The following SCARF1 variants were observed in gnomAD, a reference collection of about 807,000 sequenced individuals.
SCARF1 encodes the protein acetyl LDL receptor.
A neutral mutation model predicts 76.3 loss-of-function variants in SCARF1; 49 were observed. That is an observed-to-expected ratio of 0.64 (90% CI 0.51 to 0.81). SCARF1 has a LOEUF of 0.81. Ranked by LOEUF, SCARF1 falls within the 40% of genes least tolerant of loss-of-function variation. The pLI, the probability that SCARF1 is intolerant of heterozygous loss-of-function variation, is 0.00. For missense variants in SCARF1, 1,098 were observed against 1,143.9 expected, an observed-to-expected ratio of 0.96 and a Z score of 0.58; for synonymous variants, 495 against 474.6, an observed-to-expected ratio of 1.04 and a Z score of -0.56.
rs1910253255 is a variant in SCARF1 at position 1,643,462 on chromosome 17, G to A, written c.771C>T (p.His257=). The change falls in exon 4 of 11, where the codon CAC becomes CAT. Residue 257 remains histidine (H), a synonymous_variant. Transcript: ENST00000263071. ...CTCACCTGTGTGCGCACTGCACCCC[G>A]TGGCTGCCTGCCGGGCAGGGCAGCT... ...RCELPCPAGS[H]GVQCAHSCGR... is the part of the protein sequence containing the mutation. The A allele has an allele frequency of 3.2e-6, 4 of 1,269,442 alleles. No homozygotes were observed. Among genetic ancestry groups the A allele is most frequent in the African/African-American group, 1.6e-5 (1 of 62,746 alleles). The allele number at this position is 1,269,442 out of a possible 1,614,324, so 78.6% of individuals were successfully genotyped here.
chr17:1,641,128 C>T (rs1910019564), intron 4 of SCARF1, among the ~76,000 whole-genome samples: 1 of 152,230 alleles, frequency 6.6e-6, no homozygotes, highest in Non-Finnish European at 1.5e-5. Flanking sequence ...CAGGGGTCCT[C>T]AAACCCTGGG....
Position 1,639,735 on chromosome 17 carries a change from CGT to C in SCARF1, c.1145_1146del (p.Asn382SerfsTer17). The C allele has an allele frequency of 6.2e-7, 1 of 1,601,792 alleles. No individual in the cohort carries two copies. Among genetic ancestry groups the C allele is most frequent in the Non-Finnish European group, 8.5e-7 (1 of 1,174,698 alleles). On this transcript the variant is annotated frameshift_variant, in exon 7 of 11. Coordinates refer to ENST00000263071, the MANE Select transcript of SCARF1 (RefSeq NM_003693.4). LOFTEE classifies it high-confidence loss of function. Reference protein sequence around the residue: ...CSAGYWGPSCNASCPAGFHGN... With the variant: ...CSAGYWGPSCXASCPAGFHGN... ...CCATGGAAACCGGCTGGGCAGGAGGCGTTGCAGCTATGGAGTGACATGGAGAG... is the reference window on the plus strand; with the variant it reads ...CCATGGAAACCGGCTGGGCAGGAGGCTGCAGCTATGGAGTGACATGGAGAG...
chr17:1,635,292 G>C lies in SCARF1; in HGVS notation c.1959C>G (p.Pro653=). 2 of 1,612,002 alleles carry C rather than the reference G, an allele frequency of 1.2e-6. No homozygotes were observed. The highest frequency in any genetic ancestry group is 1.7e-6 in the Non-Finnish European group (2 of 1,179,244). ...APESFPAAAS[P]GDSATGHRRP... is the part of the protein sequence containing the mutation. ...GCCGGTGGCCAGTGGCTGAATCCCC[G>C]GGACTGGCAGCCGCCGGAAAGGACT... Residue 653 remains proline (P), a synonymous_variant, in exon 11 of 11, where the codon CCC becomes CCG. Transcript: ENST00000263071.
Position 1,640,102 on chromosome 17 carries a change from C to A in SCARF1, c.1011-62G>T. 2 of 1,576,054 alleles carry A rather than the reference C, an allele frequency of 1.3e-6. No individual in the cohort carries two copies. The highest frequency in any genetic ancestry group is 1.7e-6 in the Non-Finnish European group (2 of 1,160,064). Reference sequence around the variant, plus strand: ...GGCAGGCCTGGCCCCCACTGTGGGGCCCCACCCCTCCGCCCCACGCTCCTG... The same window carrying A: ...GGCAGGCCTGGCCCCCACTGTGGGGACCCACCCCTCCGCCCCACGCTCCTG... On this transcript the variant is annotated intron_variant, in intron 5 of 10. Transcript: ENST00000263071. The surrounding 1 kb of genome is among the most constrained non-coding windows in gnomAD (Gnocchi z 4.7).
At chr17:1,643,091 G>C (rs1450007097) in intron 4 of SCARF1, among the ~76,000 whole-genome samples, 1 of 147,084 alleles carries the variant, frequency 6.8e-6, no homozygotes, top group Non-Finnish European at 1.5e-5. Context: ...GCCCCGCCGC[G>C]GCCACCTGTC....
rs896785238 is a variant in SCARF1 at position 1,640,404 on chromosome 17, C to G, written c.1010+44G>C. The G allele has an allele frequency of 4.6e-6, 7 of 1,505,822 alleles. No homozygotes were observed. Among genetic ancestry groups the G allele is most frequent in the Non-Finnish European group, 4.5e-6 (5 of 1,110,256 alleles). The allele number at this position is 1,505,822 out of a possible 1,614,324, so 93.3% of individuals were successfully genotyped here. A position where few individuals can be genotyped will look rare whatever the true frequency, so the allele number is the denominator to read the frequency against. On this transcript the variant is annotated intron_variant, in intron 5 of 10. Transcript: ENST00000263071. This position sits in a 1 kb window ranked among gnomAD's most constrained non-coding sequence, Gnocchi z 4.7. ...GGAGAGAGCCGCTGAGCTGAGGGTC[C>G]TGGGGGAAGGTGTACCCCACCCTGA...
intron 4 of SCARF1, among the ~76,000 whole-genome samples, chr17:1,642,816 T>C (rs886178488): frequency 6.6e-6 from 1 of 152,172 alleles, no homozygotes; most frequent in Non-Finnish European, 1.5e-5. Context: ...GCTCAAGCGA[T>C]TCTCCTGTCT....
rs139315899 is a variant in SCARF1 at position 1,634,853 on chromosome 17, G to C, written c.2398C>G (p.Pro800Ala). 150 of 1,613,798 alleles carry C rather than the reference G, an allele frequency of 9.3e-5. No individual in the cohort carries two copies. Among genetic ancestry groups the C allele is most frequent in the Non-Finnish European group, 1.2e-4 (143 of 1,179,956 alleles). Residue 800 changes from proline (P) to alanine (A), a missense_variant, in exon 11 of 11, where the codon CCA becomes GCA. Coordinates refer to ENST00000263071, the MANE Select transcript of SCARF1 (RefSeq NM_003693.4). ...GCCTGCTTCTGGGGATCCTGTTCTG[G>C]GGAGCCACAGCCAGAGACTGGCTCC... ...AQEPVSGCGSPEQDPQKQAEE... is the reference protein window; with the variant it reads ...AQEPVSGCGSAEQDPQKQAEE...
In SCARF1 at chr17:1,644,994, C is replaced by T. The variant is rs1178243848; in HGVS notation, c.164-59G>A. 13 of 1,573,686 alleles carry T rather than the reference C, an allele frequency of 8.3e-6. No individual in the cohort carries two copies. Among genetic ancestry groups the T allele is most frequent in the Non-Finnish European group, 1.0e-5 (12 of 1,152,860 alleles). On this transcript the variant is annotated intron_variant, in intron 2 of 10. Coordinates refer to ENST00000263071, the MANE Select transcript of SCARF1 (RefSeq NM_003693.4). This position sits in a 1 kb window ranked among gnomAD's most constrained non-coding sequence, Gnocchi z 4.8. ...GAGCAGGACCAGGGGACACCCCTGC[C>T]CTCTCACTGGCTCCAGGGGCCATGC...
In SCARF1 at chr17:1,636,095, A is replaced by G. The variant is rs77659352; in HGVS notation, c.1634-478T>C. On this transcript the variant is annotated intron_variant, in intron 10 of 10. Coordinates refer to ENST00000263071, the MANE Select transcript of SCARF1 (RefSeq NM_003693.4). Reference sequence around the variant, plus strand: ...CCTCTCCCTGACTTTCACTTGGCCAACTCCTACTGATTCTGCTAGACTCGA... The same window carrying G: ...CCTCTCCCTGACTTTCACTTGGCCAGCTCCTACTGATTCTGCTAGACTCGA... 4.5e-3 allele frequency among the ~76,000 whole-genome samples: 678 copies of G among 151,150 alleles called. 8 individuals are homozygous for G. The highest frequency in any genetic ancestry group is 0.016 in the African/African-American group (646 of 41,194).
intron 10 of SCARF1, among the ~76,000 whole-genome samples, chr17:1,636,029 C>T (rs961305550): frequency 6.6e-6 from 1 of 152,128 alleles, no homozygotes; most frequent in Non-Finnish European, 1.5e-5. Flanking sequence ...ACCTCTGGGC[C>T]TTTGTGTATG....
In SCARF1 at chr17:1,639,036, G is replaced by T; in HGVS notation, c.1244-110C>A. On this transcript the variant is annotated intron_variant, in intron 7 of 10. Transcript: ENST00000263071. ...AGCTTCTTCCTGGGGGTCACTCCCT[G>T]CCTCCGGGCAGCCCCTCTGCTGGCG... 3 of 1,191,216 alleles carry T rather than the reference G, an allele frequency of 2.5e-6. No homozygotes were observed. The South Asian group carries it at 5.6e-5, about 22-fold the overall frequency. 73.8% of individuals were successfully genotyped at this position (1,191,216 alleles called of 1,614,324 possible). A position where few individuals can be genotyped will look rare whatever the true frequency, so the allele number is the denominator to read the frequency against.
At position 1,644,730 on chromosome 17, in the gene SCARF1, C is replaced by T; in HGVS notation, c.265+104G>A. On this transcript the variant is annotated intron_variant, in intron 3 of 10. Transcript: ENST00000263071. This position sits in a 1 kb window ranked among gnomAD's most constrained non-coding sequence, Gnocchi z 4.8. ...TCAGTGAAGCTGGGGGGGATTCTGG[C>T]CCTGCTGTCCTGAGGCTGCATGGCT... 9.3e-7 allele frequency: 1 copy of T among 1,072,242 alleles called. No individual in the cohort carries two copies. Among genetic ancestry groups the T allele is most frequent in the Middle Eastern group, 2.1e-4 (1 of 4,876 alleles). The allele number at this position is 1,072,242 out of a possible 1,614,324, so 66.4% of individuals were successfully genotyped here.
Position 1,640,165 on chromosome 17 carries a change from G to T in SCARF1, c.1011-125C>A. On this transcript the variant is annotated intron_variant, in intron 5 of 10. Transcript: ENST00000263071. The surrounding 1 kb of genome is among the most constrained non-coding windows in gnomAD (Gnocchi z 4.7). ...CAACTGGCCACTCCTCAGCAGTGAA[G>T]CTCAGGTGCAAATAGGGCCTTGAAC... 8.4e-7 allele frequency: 1 copy of T among 1,185,884 alleles called. No homozygotes were observed. 73.5% of individuals were successfully genotyped at this position (1,185,884 alleles called of 1,614,324 possible).
chr17:1,635,099 C>T lies in SCARF1; in HGVS notation c.2152G>A (p.Gly718Ser), dbSNP rs762203824. 3 of 1,613,946 alleles carry T rather than the reference C, an allele frequency of 1.9e-6. No homozygotes were observed. The highest frequency in any genetic ancestry group is 2.5e-6 in the Non-Finnish European group (3 of 1,180,032). Residue 718 changes from glycine (G) to serine (S), a missense_variant, in exon 11 of 11, where the codon GGC becomes AGC. Gly to Ser is a moderately conservative substitution (Grantham distance 56). Transcript: ENST00000263071. ...VFRHFGSFQKGQAEAKVKRAI... is the reference protein window; with the variant it reads ...VFRHFGSFQKSQAEAKVKRAI... ...CTCTTGACCTTGGCTTCCGCCTGGC[C>T]TTTCTGGAAGCTACCAAAATGGCGG...
At chr17:1,635,785 C>CTCTTTTTTTTTT (rs554604889) in intron 10 of SCARF1, among the ~76,000 whole-genome samples, 168 bp from the exon 11 acceptor site, 1 of 146,850 alleles carries the variant, frequency 6.8e-6, no homozygotes. Flanking sequence ...TACTTCTACA[C>CTCTTTTTTTTTT]TTTTTTTTTT....
Position 1,639,650 on chromosome 17 carries a change from G to A in SCARF1, c.1232C>T (p.Ser411Phe). ...TTCTTCCACCTTACCTGGCTGGCAG[G>A]ACCCAGAGACAGGGTGGCAGAGTCC... ...PEGLCHPVSG[S>F]CQPGSGSRDT... Residue 411 changes from serine to phenylalanine, a missense_variant, in exon 7 of 11, where the codon TCC becomes TTC. Physicochemically the swap from Ser to Phe is radical, Grantham distance 155. Transcript: ENST00000263071. 6.4e-7 allele frequency: 1 copy of A among 1,567,582 alleles called. No individual in the cohort carries two copies.
chr17:1,645,236 G>C lies in SCARF1; in HGVS notation c.105C>G (p.Pro35=). 6.2e-7 allele frequency: 1 copy of C among 1,613,182 alleles called. No individual in the cohort carries two copies. The highest frequency in any genetic ancestry group is 1.1e-5 in the South Asian group (1 of 91,048). ...CTGCGCAGCACTGCAGCTCAGCAGA[G>C]GGGCTGTGGGGCAAAAAGGGGTCAG... ...KGQHVCVASS[P]SAELQCCAGW... Residue 35 remains proline, a synonymous_variant, in exon 2 of 11, where the codon CCC becomes CCG. Coordinates refer to ENST00000263071, the MANE Select transcript of SCARF1 (RefSeq NM_003693.4). This position sits in a 1 kb window ranked among gnomAD's most constrained non-coding sequence, Gnocchi z 6.3.
chr17:1,638,870 G>A lies in SCARF1; in HGVS notation c.1300C>T (p.Leu434Phe). The part of the protein sequence containing the change: ...IAGSLVPLLL[L>F]FLGLACCACC... ...GCACAGCAGGCAAGGCCCAGGAAGA[G>A]CAGCAGCAGAGGCACAAGGCTGCCC... Residue 434 changes from leucine (L) to phenylalanine (F), a missense_variant, in exon 8 of 11, where the codon CTC becomes TTC. Physicochemically the swap from Leu to Phe is conservative, Grantham distance 22. Coordinates refer to ENST00000263071, the MANE Select transcript of SCARF1 (RefSeq NM_003693.4). 1 of 1,610,550 alleles carries A rather than the reference G, an allele frequency of 6.2e-7. No individual in the cohort carries two copies. Among genetic ancestry groups the A allele is most frequent in the South Asian group, 1.1e-5 (1 of 90,582 alleles).
Sources: gnomAD v4.1 joint callset for allele counts (sites outside exome capture counted in the v4.1 genomes callset) on GRCh38, gnomAD v4.1.1 for gene constraint, Gnocchi (gnomAD v3.1) non-coding constraint, MANE v1.5 for transcripts, NCBI Gene and HGNC (gene_info 2026-07-23, HGNC 2026-07-21) for gene names.